SPAG17: variants seen among roughly 807,000 people sequenced by gnomAD.
SPAG17 encodes the protein sperm associated antigen 17.
In SPAG17, 169 loss-of-function variants were observed where a neutral mutation model predicts 273.6. The observed-to-expected ratio is 0.62, with a 90% CI of 0.55 to 0.70. The LOEUF is 0.70. Among genes scored for constraint, SPAG17 ranks in the 30% least tolerant of loss-of-function variants. The pLI is 0.00. For missense variants in SPAG17, 2,557 were observed against 2,627.8 expected (o/e 0.97, Z 0.59); for synonymous variants, 825 against 873.2 (o/e 0.94, Z 0.97).
chr1:118,158,214 G>A (rs774573287), intron 1 of SPAG17, among the ~76,000 whole-genome samples: 1 of 152,166 alleles, frequency 6.6e-6, no homozygotes, highest in African/African-American at 2.4e-5. Flanking sequence ...AGTGTGGCAG[G>A]AGAAATCTTC....
intron 12 of SPAG17, 88 bp from the exon 13 acceptor site, chr1:118,086,160 C>T (rs1654978597): frequency 1.7e-6 from 2 of 1,210,694 alleles, no homozygotes; most frequent in Non-Finnish European, 1.2e-6. Flanking sequence ...ATGATACCTT[C>T]ACCCTCATTA....
chr1:118,119,755 A>T (rs751924872), intron 3 of SPAG17, among the ~76,000 whole-genome samples: 6 of 152,184 alleles, frequency 3.9e-5, no homozygotes, highest in Non-Finnish European at 8.8e-5. Context: ...CTAATATATG[A>T]TTGATCAAAT....
intron 31 of SPAG17, 107 bp downstream of exon 31, chr1:118,007,937 G>A (rs1659070031): frequency 8.7e-7 from 1 of 1,146,200 alleles, no homozygotes; most frequent in Non-Finnish European, 1.3e-6. Context: ...GAGAATGAAA[G>A]CAACAGCAGT....
chr1:118,185,005 A>G lies in SPAG17; in HGVS notation c.87+66T>C, dbSNP rs1045975146. The G allele has an allele frequency of 7.3e-5, 101 of 1,378,524 alleles. 1 individual carries two copies. Among genetic ancestry groups the G allele is most frequent in the African/African-American group, 1.4e-5 (1 of 70,182 alleles). The allele number at this position is 1,378,524 out of a possible 1,614,324, so 85.4% of individuals were successfully genotyped here. A position where few individuals can be genotyped will look rare whatever the true frequency, so the allele number is the denominator to read the frequency against. On this transcript the variant is annotated intron_variant, in intron 1 of 48. Transcript: ENST00000336338. ...GAGGGCGAGCCTTAAGGCGTCGCCT[A>G]GGAGGGTCTGGCCGGGCCTCTGGCA... is the stretch of plus-strand genomic sequence containing the variant.
chr1:117,975,121 A>G lies in SPAG17; in HGVS notation c.6005-1560T>C, dbSNP rs532965162. Among the ~76,000 whole-genome samples, 75 of 152,250 alleles carry G rather than the reference A, an allele frequency of 4.9e-4. No individual in the cohort carries two copies. In the Middle Eastern group the frequency reaches 0.01, roughly 21 times the overall value. On this transcript the variant is annotated intron_variant, in intron 43 of 48. Transcript: ENST00000336338. ...GGAAGAATCAGAATCTTAGGCCTTT[A>G]TGGTCATGATCTCTGCCACATGGAA...
chr1:118,132,467 ATT>A (rs1397828954), intron 3 of SPAG17, among the ~76,000 whole-genome samples: 3 of 152,192 alleles, frequency 2.0e-5, no homozygotes, highest in Non-Finnish European at 2.9e-5. Flanking sequence ...GAATTTAGGC[ATT>A]TTATTTATCT....
intron 10 of SPAG17, among the ~76,000 whole-genome samples, chr1:118,091,364 G>T (rs1241831154): frequency 6.6e-6 from 1 of 152,080 alleles, no homozygotes; most frequent in Non-Finnish European, 1.5e-5. Context: ...GAGTATTGAG[G>T]ATATGTTCTA....
At chr1:118,025,651 C>T (rs1042186142) in intron 26 of SPAG17, among the ~76,000 whole-genome samples, 3 of 152,052 alleles carry the variant, frequency 2.0e-5, no homozygotes, top group Admixed American at 2.0e-4. Flanking sequence ...CCACAACACC[C>T]TGTTAAGTTT....
chr1:117,994,401 T>C lies in SPAG17; in HGVS notation c.5178+5A>G. Reference sequence around the variant, plus strand: ...TAAAATGACTTTTTAGAAGAAATTATATACCTCAACTGAGGGAAATGTTTC... The same window carrying C: ...TAAAATGACTTTTTAGAAGAAATTACATACCTCAACTGAGGGAAATGTTTC... On this transcript the variant is annotated splice_donor_5th_base_variant and intron_variant, in intron 35 of 48. Coordinates refer to ENST00000336338, the MANE Select transcript of SPAG17 (RefSeq NM_206996.4). The C allele has an allele frequency of 6.2e-7, 1 of 1,610,610 alleles. No individual in the cohort carries two copies. The highest frequency in any genetic ancestry group is 8.5e-7 in the Non-Finnish European group (1 of 1,178,250).
intron 1 of SPAG17, among the ~76,000 whole-genome samples, chr1:118,152,879 TC>T (rs1248459067): frequency 2.0e-5 from 3 of 152,198 alleles, no homozygotes; most frequent in African/African-American, 7.2e-5. Context: ...GCAACTGTAG[TC>T]ATCATTAAAG....
chr1:118,133,051 G>A (rs1264607827), intron 3 of SPAG17, among the ~76,000 whole-genome samples: 1 of 152,168 alleles, frequency 6.6e-6, no homozygotes, highest in African/African-American at 2.4e-5. Flanking sequence ...GATTACAGGT[G>A]TGAGCCACCA....
rs757515938 is a variant in SPAG17 at position 118,081,085 on chromosome 1, ACACACT to A, written c.2209+10_2209+15del. ...CACACACACACACACACACACACAC[ACACACT>A]TTAACTTACCCAGAGACTCATGTTG... On this transcript the variant is annotated intron_variant, in intron 15 of 48. Transcript: ENST00000336338. 4.4e-6 allele frequency: 6 copies of A among 1,368,660 alleles called. No homozygotes were observed. The South Asian group carries it at 7.0e-5, about 16-fold the overall frequency. 84.8% of individuals were successfully genotyped at this position (1,368,660 alleles called of 1,614,324 possible). A position where few individuals can be genotyped will look rare whatever the true frequency, so the allele number is the denominator to read the frequency against.
chr1:117,967,455 A>G (rs1250677478), intron 46 of SPAG17, among the ~76,000 whole-genome samples: 2 of 152,056 alleles, frequency 1.3e-5, no homozygotes, highest in Non-Finnish European at 2.9e-5. Context: ...TACTAACAAT[A>G]ACGACAGGTG....
chr1:118,081,390 T>C (rs761908343), intron 14 of SPAG17, 25 bp downstream of exon 14: 1 of 1,612,260 alleles, frequency 6.2e-7, no homozygotes, highest in South Asian at 1.1e-5. Flanking sequence ...ACAAGAATGC[T>C]TTCCATTCCC....
intron 48 of SPAG17, chr1:117,959,199 C>A: frequency 6.8e-7 from 1 of 1,462,040 alleles, no homozygotes; most frequent in Non-Finnish European, 9.2e-7. Flanking sequence ...TAAGTAACAA[C>A]ACCTGAAGCT....
At chr1:118,029,843 G>A (rs1176845378) in intron 25 of SPAG17, among the ~76,000 whole-genome samples, 1 of 151,954 alleles carries the variant, frequency 6.6e-6, no homozygotes. Context: ...AAGTTGTTCT[G>A]CCTTTTCTTT....
chr1:118,089,088 T>C (rs371832995), intron 10 of SPAG17, among the ~76,000 whole-genome samples: 2 of 152,154 alleles, frequency 1.3e-5, no homozygotes, highest in East Asian at 3.9e-4. Flanking sequence ...GATCAATATA[T>C]TGCAAAAAGA....
At chr1:118,120,050 A>G (rs1310241667) in intron 3 of SPAG17, among the ~76,000 whole-genome samples, 3 of 152,052 alleles carry the variant, frequency 2.0e-5, no homozygotes, top group Non-Finnish European at 4.4e-5. Context: ...CTTTTTTTCT[A>G]TGAAGTGCAT....
chr1:118,160,129 T>C (rs944785815), intron 1 of SPAG17, among the ~76,000 whole-genome samples: 1 of 152,170 alleles, frequency 6.6e-6, no homozygotes, highest in Non-Finnish European at 1.5e-5. Flanking sequence ...AAAACTGGAA[T>C]CAGAGACTCA....
Sources: gnomAD v4.1 joint callset for allele counts (sites outside exome capture counted in the v4.1 genomes callset) on GRCh38, gnomAD v4.1.1 for gene constraint, MANE v1.5 for transcripts, NCBI Gene and HGNC (gene_info 2026-07-23, HGNC 2026-07-21) for gene names.